ERC2: variants seen among roughly 807,000 people sequenced by gnomAD.
The protein encoded by ERC2 is ELKS/RAB6-interacting/CAST family member 2.
In ERC2, 42 loss-of-function variants were observed where a neutral mutation model predicts 114.8. The observed-to-expected ratio is 0.37, with a 90% confidence interval of 0.29 to 0.47. The LOEUF (loss-of-function observed/expected upper bound fraction) is 0.47. ERC2 is among the 20% of genes least tolerant of loss of function. The pLI is 0.99. For missense variants in ERC2, 939 were observed against 1,150.7 expected, an observed-to-expected ratio of 0.82 and a Z score of 2.66; for synonymous variants, 454 against 425.5, an observed-to-expected ratio of 1.07 and a Z score of -0.82.
chr3:55,972,854 G>C (rs2069275007), intron 12 of ERC2, among the ~76,000 whole-genome samples: 1 of 152,184 alleles, frequency 6.6e-6, no homozygotes, highest in African/African-American at 2.4e-5. Context: ...TATATAGAAA[G>C]AAAGGGCCAT....
intron 3 of ERC2, among the ~76,000 whole-genome samples, chr3:56,285,208 A>C (rs918556153): frequency 2.0e-5 from 3 of 151,056 alleles, no homozygotes; most frequent in African/African-American, 7.3e-5. Context: ...AATAAAACCA[A>C]GTTTCAAGCA....
At chr3:56,410,028 C>G (rs573529750) in intron 2 of ERC2, among the ~76,000 whole-genome samples, 1 of 152,308 alleles carries the variant, frequency 6.6e-6, no homozygotes, top group South Asian at 2.1e-4. Context: ...CTGTGCTGTT[C>G]CTATTTTCTT....
At chr3:56,276,691 G>A (rs1370327866) in intron 3 of ERC2, among the ~76,000 whole-genome samples, 1 of 152,168 alleles carries the variant, frequency 6.6e-6, no homozygotes, top group Admixed American at 6.5e-5. Flanking sequence ...GCTTCTTTGG[G>A]AGGAGGAGGA....
At chr3:55,792,639 T>C (rs1247911372) in intron 14 of ERC2, among the ~76,000 whole-genome samples, 1 of 152,144 alleles carries the variant, frequency 6.6e-6, no homozygotes, top group Non-Finnish European at 1.5e-5. Context: ...ACAATAGTAA[T>C]GGAAAGGTGA....
At chr3:55,578,374 C>T (rs900886163) in intron 17 of ERC2, among the ~76,000 whole-genome samples, 30 of 152,174 alleles carry the variant, frequency 2.0e-4, no homozygotes, top group Admixed American at 1.8e-3. Context: ...CCACACACTT[C>T]ACTGTGCTCC....
intron 5 of ERC2, among the ~76,000 whole-genome samples, chr3:56,142,048 A>G (rs964717879): frequency 6.6e-6 from 1 of 152,170 alleles, no homozygotes; most frequent in Admixed American, 6.5e-5. Flanking sequence ...TCACCAGCAA[A>G]ACCATTCAGA....
chr3:56,166,859 A>G (rs965961), intron 4 of ERC2, among the ~76,000 whole-genome samples: 124,070 of 151,936 alleles, frequency 0.82, 51,894 homozygotes, highest in South Asian at 0.93. Context: ...TTGGTGCTCC[A>G]CTCTAGTATA....
intron 2 of ERC2, among the ~76,000 whole-genome samples, chr3:56,385,167 T>G (rs2059890631): frequency 6.6e-6 from 1 of 152,188 alleles, no homozygotes; most frequent in African/African-American, 2.4e-5. Flanking sequence ...CAATAGAAAA[T>G]TTATTTCTTA....
intron 14 of ERC2, among the ~76,000 whole-genome samples, chr3:55,864,481 G>T (rs1212267077): frequency 2.6e-5 from 4 of 151,944 alleles, no homozygotes; most frequent in Non-Finnish European, 5.9e-5. Flanking sequence ...GCTGCTAATT[G>T]CAAAGATAAC....
chr3:55,665,673 C>T (rs1440239109), intron 17 of ERC2, among the ~76,000 whole-genome samples: 1 of 152,156 alleles, frequency 6.6e-6, no homozygotes, highest in African/African-American at 2.4e-5. Flanking sequence ...GAAGGAAGTG[C>T]GCCTGCCTAC....
At chr3:56,276,951 G>A (rs1040790906) in intron 3 of ERC2, among the ~76,000 whole-genome samples, 2 of 152,158 alleles carry the variant, frequency 1.3e-5, no homozygotes, top group Non-Finnish European at 2.9e-5. Context: ...GGACAAGCTT[G>A]TACCAGTATA....
intron 10 of ERC2, among the ~76,000 whole-genome samples, chr3:56,006,879 T>C (rs1181731557): frequency 6.6e-6 from 1 of 152,122 alleles, no homozygotes; most frequent in African/African-American, 2.4e-5. Context: ...CTATTTTTCT[T>C]TGCTGATAGT....
chr3:56,361,908 A>G (rs2058972229), intron 2 of ERC2, among the ~76,000 whole-genome samples: 1 of 152,174 alleles, frequency 6.6e-6, no homozygotes, highest in Non-Finnish European at 1.5e-5. Flanking sequence ...AATCTTCACT[A>G]TTGCTCCCAT....
chr3:56,283,491 C>A (rs1483721035), intron 3 of ERC2, among the ~76,000 whole-genome samples: 1 of 152,170 alleles, frequency 6.6e-6, no homozygotes, highest in Non-Finnish European at 1.5e-5. Context: ...AAAGTCATTT[C>A]TACTGTCTAA....
chr3:56,245,955 A>G (rs1312235263), intron 3 of ERC2, among the ~76,000 whole-genome samples: 1 of 152,000 alleles, frequency 6.6e-6, no homozygotes, highest in Admixed American at 6.6e-5. Context: ...TCCCCAAATA[A>G]AGGGGATTTT....
chr3:55,743,695 A>C (rs773540024), intron 14 of ERC2, among the ~76,000 whole-genome samples: 4 of 152,102 alleles, frequency 2.6e-5, no homozygotes, highest in Admixed American at 2.6e-4. Flanking sequence ...CACAAATGAA[A>C]TATTACTCAA....
At chr3:55,837,167 C>G (rs2060928153) in intron 14 of ERC2, among the ~76,000 whole-genome samples, 1 of 152,162 alleles carries the variant, frequency 6.6e-6, no homozygotes, top group Admixed American at 6.5e-5. Context: ...GGACTGTAAA[C>G]TAGTTCAACC....
chr3:55,651,612 C>T (rs910022704), intron 17 of ERC2, among the ~76,000 whole-genome samples: 2 of 152,174 alleles, frequency 1.3e-5, no homozygotes, highest in Non-Finnish European at 2.9e-5. Context: ...AAGACTGCCC[C>T]ACCCAGCCCT....
Position 56,010,543 on chromosome 3 carries a change from C to T in ERC2, c.1826G>A (p.Arg609Gln), listed in dbSNP as rs371352737. The change falls in exon 9 of 18, where the codon CGG (arginine) becomes CAG (glutamine). Residue 609 changes from arginine (R) to glutamine (Q), a missense_variant. Physicochemically the swap from Arg to Gln is conservative, Grantham distance 43 (BLOSUM62 1). Around this residue, in one of 5 missense-constraint regions of ERC2, gnomAD observed 149 missense variants for 254.6 expected, o/e 0.59. Coordinates refer to ENST00000288221, the MANE Select transcript of ERC2 (RefSeq NM_015576.3). ...RLKEQRERDD[R>Q]ERLEEIESFR... ...GGATTCTATCTCTTCTAGTCTTTCC[C>T]GATCATCTCTTTCTCGCTGTTCTTT... is the stretch of plus-strand genomic sequence containing the variant. 82 of 1,613,514 alleles carry T rather than the reference C, an allele frequency of 5.1e-5. No individual in the cohort carries two copies. The Admixed American group carries it at 7.7e-4, about 15-fold the overall frequency.
Sources: gnomAD v4.1 joint callset for allele counts (sites outside exome capture counted in the v4.1 genomes callset) on GRCh38, gnomAD v4.1.1 for gene constraint, gnomAD v4.1.1 regional missense constraint, MANE v1.5 for transcripts, NCBI Gene and HGNC (gene_info 2026-07-23, HGNC 2026-07-21) for gene names.